CADM1: variants seen among roughly 807,000 people sequenced by gnomAD.
The protein encoded by CADM1 is TSLC-1.
CADM1 carries 15 observed loss-of-function variants against 53.1 expected under a neutral mutation model. That is an observed-to-expected ratio of 0.28 (90% CI 0.19 to 0.44). The LOEUF (loss-of-function observed/expected upper bound fraction) is 0.44. Among genes scored for constraint, CADM1 ranks in the 20% least tolerant of loss-of-function variants. The pLI, the probability that CADM1 is intolerant of heterozygous loss-of-function variation, is 1.00. For synonymous variants in CADM1, 281 were observed against 243.0 expected (o/e 1.16, Z -1.45); for missense variants, 434 against 611.3 (o/e 0.71, Z 3.06).
intron 1 of CADM1, among the ~76,000 whole-genome samples, chr11:115,302,195 A>G (rs944115892): frequency 4.6e-5 from 7 of 151,938 alleles, no homozygotes; most frequent in African/African-American, 1.7e-4. Context: ...AAAAATGACT[A>G]ATGAGTATTA....
intron 1 of CADM1, among the ~76,000 whole-genome samples, chr11:115,343,112 G>C (rs1945490968): frequency 6.6e-6 from 1 of 152,136 alleles, no homozygotes; most frequent in South Asian, 2.1e-4. Context: ...CAAGCATTGA[G>C]AATGTACTTT....
chr11:115,369,457 T>C (rs1946259481), intron 1 of CADM1, among the ~76,000 whole-genome samples: 1 of 152,194 alleles, frequency 6.6e-6, no homozygotes, highest in South Asian at 2.1e-4. Context: ...GAGAGTATTG[T>C]TTAACTTAAC....
intron 5 of CADM1, among the ~76,000 whole-genome samples, chr11:115,225,217 CA>C (rs1941559125): frequency 6.6e-6 from 1 of 151,676 alleles, no homozygotes; most frequent in African/African-American, 2.4e-5. Flanking sequence ...GAGCACCCAA[CA>C]GGGAAATGTC....
chr11:115,378,634 C>G (rs1946498455), intron 1 of CADM1, among the ~76,000 whole-genome samples: 1 of 152,114 alleles, frequency 6.6e-6, no homozygotes, highest in Non-Finnish European at 1.5e-5. Context: ...AGCCTGGAAG[C>G]TAGGAATAGT....
chr11:115,327,889 AAAC>A (rs1454260062), intron 1 of CADM1, among the ~76,000 whole-genome samples: 1 of 152,186 alleles, frequency 6.6e-6, no homozygotes. Flanking sequence ...GATTCTATCA[AAAC>A]AACTTTACTA....
At chr11:115,384,058 T>A (rs1225284115) in intron 1 of CADM1, among the ~76,000 whole-genome samples, 5 of 152,174 alleles carry the variant, frequency 3.3e-5, no homozygotes. Context: ...CTGCCATCAA[T>A]ATGGCTATTC....
At chr11:115,229,088 C>T in intron 5 of CADM1, 25 bp downstream of exon 5, 2 of 1,613,104 alleles carry the variant, frequency 1.2e-6, no homozygotes, top group Non-Finnish European at 1.7e-6. Context: ...TCTACGCCCT[C>T]AGAATAAGAT....
At chr11:115,196,794 A>C (rs992336640) in intron 9 of CADM1, among the ~76,000 whole-genome samples, 1 of 152,136 alleles carries the variant, frequency 6.6e-6, no homozygotes, top group Admixed American at 6.6e-5. Context: ...AAGAAACTTA[A>C]GTATCTTAAA....
chr11:115,215,713 C>T (rs1941153369), intron 6 of CADM1, among the ~76,000 whole-genome samples: 1 of 152,212 alleles, frequency 6.6e-6, no homozygotes, highest in African/African-American at 2.4e-5. Flanking sequence ...TTGAAAACTT[C>T]CATTCTTCAA....
Position 115,169,704 on chromosome 11 carries a change from C to T in CADM1, c.*6770G>A, listed in dbSNP as rs1434779259. 1 of 447,542 alleles carries T rather than the reference C, an allele frequency of 2.2e-6. No individual in the cohort carries two copies. Among genetic ancestry groups the T allele is most frequent in the African/African-American group, 2.0e-5 (1 of 49,754 alleles). 27.7% of individuals were successfully genotyped at this position (447,542 alleles called of 1,614,324 possible). Reference sequence around the variant, plus strand: ...ACTAGCTAACAGAGACTGATTAGTGCAGAAGATTCCCTTCCATAGCAATAC... The same window carrying T: ...ACTAGCTAACAGAGACTGATTAGTGTAGAAGATTCCCTTCCATAGCAATAC... On this transcript the variant is annotated 3_prime_UTR_variant, in exon 12 of 12. Transcript: ENST00000331581.
intron 1 of CADM1, among the ~76,000 whole-genome samples, chr11:115,353,949 A>T (rs909487483): frequency 7.9e-5 from 12 of 152,240 alleles, no homozygotes; most frequent in Non-Finnish European, 1.5e-4. Context: ...GGCTACGGCC[A>T]GACTGTGAAC....
At chr11:115,422,831 T>G (rs574864409) in intron 1 of CADM1, among the ~76,000 whole-genome samples, 6 of 152,208 alleles carry the variant, frequency 3.9e-5, no homozygotes, top group Non-Finnish European at 7.3e-5. Flanking sequence ...CTGACTGCTA[T>G]GATTTTATTG....
intron 11 of CADM1, among the ~76,000 whole-genome samples, chr11:115,178,327 C>A (rs964484718): frequency 6.6e-6 from 1 of 152,148 alleles, no homozygotes; most frequent in Non-Finnish European, 1.5e-5. Context: ...ACACCTTGCA[C>A]ACCAGCCTCT....
At chr11:115,328,516 T>C (rs527559820) in intron 1 of CADM1, among the ~76,000 whole-genome samples, 5 of 151,122 alleles carry the variant, frequency 3.3e-5, no homozygotes, top group South Asian at 2.1e-4. Context: ...GTGAATCACA[T>C]ACTTTTTGCA....
chr11:115,335,946 G>A (rs892941806), intron 1 of CADM1, among the ~76,000 whole-genome samples: 5 of 152,064 alleles, frequency 3.3e-5, no homozygotes, highest in African/African-American at 7.2e-5. Context: ...TAAAATGACA[G>A]GCTCACTGCT....
chr11:115,457,132 G>A (rs1174787409), intron 1 of CADM1, among the ~76,000 whole-genome samples: 1 of 152,136 alleles, frequency 6.6e-6, no homozygotes, highest in East Asian at 1.9e-4. Flanking sequence ...AACCCTAAGA[G>A]GTGGCTTACA....
chr11:115,292,507 T>C (rs1447816885), intron 1 of CADM1, among the ~76,000 whole-genome samples: 1 of 152,230 alleles, frequency 6.6e-6, no homozygotes, highest in Non-Finnish European at 1.5e-5. Flanking sequence ...TTAAATTCTA[T>C]GTGGAAGCCA....
intron 1 of CADM1, among the ~76,000 whole-genome samples, chr11:115,504,009 C>G (rs1009966729): frequency 2.0e-5 from 3 of 152,118 alleles, no homozygotes; most frequent in Non-Finnish European, 2.9e-5. Context: ...CACTCTGCAC[C>G]CCGCGCCAAG....
chr11:115,380,931 A>T (rs996047139), intron 1 of CADM1, among the ~76,000 whole-genome samples: 1 of 152,178 alleles, frequency 6.6e-6, no homozygotes, highest in Non-Finnish European at 1.5e-5. Flanking sequence ...AATTAGCAAT[A>T]CTTTTTAAAA....
Sources: gnomAD v4.1 joint callset for allele counts (sites outside exome capture counted in the v4.1 genomes callset) on GRCh38, gnomAD v4.1.1 for gene constraint, MANE v1.5 for transcripts, NCBI Gene and HGNC (gene_info 2026-07-23, HGNC 2026-07-21) for gene names.